The following RAB8B variants were observed in gnomAD, a reference collection of about 807,000 sequenced individuals.
The protein encoded by RAB8B is ras-related protein Rab-8B.
Under a neutral mutation model 32.0 loss-of-function variants are expected in RAB8B, and 11 were observed. That is an observed-to-expected ratio of 0.34 (90% CI 0.22 to 0.57). The LOEUF (loss-of-function observed/expected upper bound fraction) is 0.57. Ranked by LOEUF, RAB8B falls within the 20% of genes least tolerant of loss-of-function variation. The pLI, the probability that RAB8B is intolerant of heterozygous loss-of-function variation, is 0.86. For missense variants in RAB8B, 190 were observed against 258.5 expected (o/e 0.73, Z 1.82); for synonymous variants, 103 against 89.6 (o/e 1.15, Z -0.85).
At chr15:63,215,216 G>GTC (rs2037782805) in intron 1 of RAB8B, among the ~76,000 whole-genome samples, 3 of 152,256 alleles carry the variant, frequency 2.0e-5, no homozygotes, top group Non-Finnish European at 2.9e-5. Context: ...TCTGATCATA[G>GTC]TCTCATCGTG....
intron 1 of RAB8B, among the ~76,000 whole-genome samples, chr15:63,236,190 T>C (rs1322238540): frequency 6.6e-6 from 1 of 152,194 alleles, no homozygotes; most frequent in Non-Finnish European, 1.5e-5. Flanking sequence ...TGCCTCCTTA[T>C]GTTATAAGCA....
At chr15:63,222,791 T>G (rs2037855711) in intron 1 of RAB8B, among the ~76,000 whole-genome samples, 1 of 152,208 alleles carries the variant, frequency 6.6e-6, no homozygotes, top group Non-Finnish European at 1.5e-5. Context: ...TCCTCCCGCT[T>G]TGGCCTCCCA....
intron 6 of RAB8B, among the ~76,000 whole-genome samples, chr15:63,260,898 T>G (rs181869939): frequency 1.1e-3 from 170 of 152,230 alleles, no homozygotes; most frequent in African/African-American, 3.9e-3. Context: ...GAGACCTACA[T>G]GACTTTATTA....
chr15:63,246,258 A>G (rs1209692913), intron 2 of RAB8B, among the ~76,000 whole-genome samples: 1 of 152,198 alleles, frequency 6.6e-6, no homozygotes, highest in Non-Finnish European at 1.5e-5. Context: ...ATATTCTACT[A>G]TGGCATCATG....
chr15:63,196,797 T>A (rs1274656164), intron 1 of RAB8B, among the ~76,000 whole-genome samples: 1 of 152,260 alleles, frequency 6.6e-6, no homozygotes, highest in Non-Finnish European at 1.5e-5. Flanking sequence ...ATGCTACATA[T>A]CTTTCTATAA....
At chr15:63,250,484 C>G (rs1010807538) in intron 3 of RAB8B, among the ~76,000 whole-genome samples, 31 of 152,254 alleles carry the variant, frequency 2.0e-4, no homozygotes, top group African/African-American at 7.2e-4. Context: ...TCTGGTGAAT[C>G]TTGACTACCA....
At chr15:63,227,336 A>G (rs1005197599) in intron 1 of RAB8B, among the ~76,000 whole-genome samples, 5 of 152,214 alleles carry the variant, frequency 3.3e-5, no homozygotes, top group Non-Finnish European at 7.3e-5. Flanking sequence ...CACTAGATAC[A>G]GAAATCCTGC....
intron 1 of RAB8B, among the ~76,000 whole-genome samples, chr15:63,232,996 G>A (rs1264288708): frequency 5.3e-5 from 8 of 150,524 alleles, no homozygotes; most frequent in Non-Finnish European, 1.2e-4. Context: ...TAACTTATGC[G>A]ACGTATATTT....
At chr15:63,230,337 T>C (rs2037925582) in intron 1 of RAB8B, among the ~76,000 whole-genome samples, 1 of 152,172 alleles carries the variant, frequency 6.6e-6, no homozygotes, top group Admixed American at 6.5e-5. Flanking sequence ...GTCTTGCTCT[T>C]GTCGCCCAGG....
At chr15:63,230,549 G>T (rs1211602453) in intron 1 of RAB8B, among the ~76,000 whole-genome samples, 1 of 152,158 alleles carries the variant, frequency 6.6e-6, no homozygotes, top group South Asian at 2.1e-4. Flanking sequence ...TGATCCGCCC[G>T]CCTGGACTTC....
intron 5 of RAB8B, among the ~76,000 whole-genome samples, chr15:63,257,796 C>G (rs552538309): frequency 6.6e-6 from 1 of 151,956 alleles, no homozygotes; most frequent in African/African-American, 2.4e-5. Context: ...CGCAGTGGCT[C>G]ATACCTGTCA....
At chr15:63,213,386 A>T (rs527416138) in intron 1 of RAB8B, among the ~76,000 whole-genome samples, 2 of 152,184 alleles carry the variant, frequency 1.3e-5, no homozygotes, top group Non-Finnish European at 2.9e-5. Context: ...TTAGTAAATC[A>T]TGGTTTTCTG....
At chr15:63,204,828 T>G (rs1595734396) in intron 1 of RAB8B, among the ~76,000 whole-genome samples, 1 of 152,234 alleles carries the variant, frequency 6.6e-6, no homozygotes, top group Admixed American at 6.5e-5. Context: ...TAAGTGAGCA[T>G]AAAGTGTGAT....
In RAB8B at chr15:63,266,285, G is replaced by C. The variant is rs947753537; in HGVS notation, c.*2666G>C. ...TAGACCTTTTCAAATAGAGTCTGAGGGTATCAGACAGTGAAAATGTGCTGT... is the reference window on the plus strand; with the variant it reads ...TAGACCTTTTCAAATAGAGTCTGAGCGTATCAGACAGTGAAAATGTGCTGT... On this transcript the variant is annotated 3_prime_UTR_variant, in exon 8 of 8. Transcript: ENST00000321437. The C allele has an allele frequency of 6.6e-6, 1 of 152,432 alleles. No homozygotes were observed. The highest frequency in any genetic ancestry group is 2.4e-5 in the African/African-American group (1 of 41,384). The allele number at this position is 152,432 out of a possible 1,614,324, so 9.4% of individuals were successfully genotyped here.
chr15:63,237,557 T>TC (rs1354240437), intron 1 of RAB8B, among the ~76,000 whole-genome samples: 2 of 152,244 alleles, frequency 1.3e-5, no homozygotes, highest in East Asian at 3.8e-4. Context: ...GCTTAGGTCT[T>TC]CTGCTCATTT....
intron 5 of RAB8B, among the ~76,000 whole-genome samples, chr15:63,257,138 A>G (rs2038164488): frequency 6.6e-6 from 1 of 152,200 alleles, no homozygotes; most frequent in Non-Finnish European, 1.5e-5. Flanking sequence ...AAGCAAAGGA[A>G]TATTTTGTGT....
intron 1 of RAB8B, among the ~76,000 whole-genome samples, chr15:63,224,511 T>A (rs2037872966): frequency 6.6e-6 from 1 of 152,152 alleles, no homozygotes; most frequent in Non-Finnish European, 1.5e-5. Flanking sequence ...CTCCTTAACA[T>A]CTCTTATTTT....
chr15:63,246,902 A>C (rs1469312978), intron 2 of RAB8B, among the ~76,000 whole-genome samples: 3 of 152,220 alleles, frequency 2.0e-5, no homozygotes. Flanking sequence ...ACTTTGTTGG[A>C]GATTCCAAGA....
At chr15:63,255,459 A>G (rs1407953313) in intron 3 of RAB8B, 48 bp from the exon 4 acceptor site, 2 of 1,305,834 alleles carry the variant, frequency 1.5e-6, no homozygotes, top group Admixed American at 4.1e-5. Context: ...ATATACTATA[A>G]CTTTAAATAT....
Sources: allele counts gnomAD v4.1 joint callset (sites outside exome capture counted in the v4.1 genomes callset), GRCh38; gene constraint gnomAD v4.1.1; transcripts MANE v1.5; gene names NCBI Gene and HGNC (gene_info 2026-07-23, HGNC 2026-07-21).